Variants in CMTM2 observed in about 807,000 individuals in gnomAD.
CMTM2 encodes the protein CKLF-like MARVEL transmembrane domain-containing protein 2.
A neutral mutation model predicts 16.8 loss-of-function variants in CMTM2; 15 were observed. The observed-to-expected ratio is 0.89, with a 90% CI of 0.60 to 1.37. The LOEUF is 1.37. Among genes scored for constraint, CMTM2 ranks in the 40% most tolerant of loss-of-function variants. CMTM2 has a pLI of 0.00. For missense variants in CMTM2, 282 were observed against 318.0 expected, an observed-to-expected ratio of 0.89 and a Z score of 0.86; for synonymous variants, 117 against 118.7, an observed-to-expected ratio of 0.99 and a Z score of 0.09.
chr16:66,587,130 C>T (rs757189714), intron 3 of CMTM2, 32 bp downstream of exon 3: 2 of 1,515,590 alleles, frequency 1.3e-6, no homozygotes, highest in African/African-American at 2.7e-5. Context: ...CTTGCATTTG[C>T]TCTGAATTCA....
Position 66,587,994 on chromosome 16 carries a change from G to T in CMTM2, c.622G>T (p.Ala208Ser). Reference sequence around the variant, plus strand: ...AAGAAACCACTTCAGAGGCAAGAAGGCCAAAAAGCATATGCTGGTTCCTCC... The same window carrying T: ...AAGAAACCACTTCAGAGGCAAGAAGTCCAAAAAGCATATGCTGGTTCCTCC... Reference protein sequence around the residue: ...LQRNHFRGKKAKKHMLVPPPG... With the variant: ...LQRNHFRGKKSKKHMLVPPPG... Residue 208 changes from alanine to serine, a missense_variant, in exon 4 of 4, where the codon GCC (alanine) becomes TCC (serine). By Grantham distance (99) the Ala-to-Ser change is moderately conservative. Transcript: ENST00000268595. The T allele has an allele frequency of 6.2e-7, 1 of 1,614,108 alleles. No homozygotes were observed. Among genetic ancestry groups the T allele is most frequent in the Non-Finnish European group, 8.5e-7 (1 of 1,180,018 alleles).
In CMTM2 at chr16:66,588,013, T is replaced by C; in HGVS notation, c.641T>C (p.Val214Ala). 6.2e-7 allele frequency: 1 copy of C among 1,614,046 alleles called. No homozygotes were observed. The highest frequency in any genetic ancestry group is 8.5e-7 in the Non-Finnish European group (1 of 1,180,018). Residue 214 changes from valine to alanine, a missense_variant, in exon 4 of 4, where the codon GTT becomes GCT. Coordinates refer to ENST00000268595, the MANE Select transcript of CMTM2 (RefSeq NM_144673.3). Reference sequence around the variant, plus strand: ...AAGAAGGCCAAAAAGCATATGCTGGTTCCTCCTCCAGGAAAGGAAAAAGGA... The same window carrying C: ...AAGAAGGCCAAAAAGCATATGCTGGCTCCTCCTCCAGGAAAGGAAAAAGGA... ...RGKKAKKHML[V>A]PPPGKEKGPQ... is the part of the protein sequence containing the mutation.
chr16:66,579,871 T>C lies in CMTM2; in HGVS notation c.264T>C (p.Ala88=). The change falls in exon 1 of 4, where the codon GCT becomes GCC. Residue 88 remains alanine, a synonymous_variant. Coordinates refer to ENST00000268595, the MANE Select transcript of CMTM2 (RefSeq NM_144673.3). The surrounding 1 kb of genome is among the most constrained non-coding windows in gnomAD (Gnocchi z 6.5). ...AAGAGTTCTGGCTCTTGGGGCACGC[T>C]GAGATCAAGATTCGGAGTTTGGTGA... The part of the protein sequence containing the change: ...SNKEFWLLGH[A]EIKIRSLGCL... 2 of 1,611,776 alleles carry C rather than the reference T, an allele frequency of 1.2e-6. No homozygotes were observed. The highest frequency in any genetic ancestry group is 1.7e-6 in the Non-Finnish European group (2 of 1,179,614).
intron 2 of CMTM2, chr16:66,580,689 G>C (rs1230510790): frequency 1.3e-5 from 2 of 156,618 alleles, no homozygotes; most frequent in Non-Finnish European, 2.8e-5. Context: ...GGATCAGAAG[G>C]ATGTTCAGCC....
At chr16:66,580,642 G>C (rs190311516) in intron 2 of CMTM2, 1 of 165,060 alleles carries the variant, frequency 6.1e-6, no homozygotes, top group Non-Finnish European at 1.3e-5. Context: ...CTAAAGCAGC[G>C]TTAGGTCTCC....
At chr16:66,583,026 A>C (rs1178403699) in intron 2 of CMTM2, among the ~76,000 whole-genome samples, 1 of 152,208 alleles carries the variant, frequency 6.6e-6, no homozygotes, top group African/African-American at 2.4e-5. Context: ...TCAATATGAC[A>C]AGAAAAACAA....
intron 2 of CMTM2, among the ~76,000 whole-genome samples, chr16:66,583,635 A>C (rs1448169991): frequency 6.6e-6 from 1 of 152,218 alleles, no homozygotes; most frequent in Non-Finnish European, 1.5e-5. Flanking sequence ...GGAAAATGTA[A>C]ATAGAGAAAC....
chr16:66,584,436 T>C lies in CMTM2; in HGVS notation c.445-2561T>C, dbSNP rs561769654. Among the ~76,000 whole-genome samples the C allele has an allele frequency of 4.9e-4, 74 of 152,180 alleles. No individual in the cohort carries two copies. The Middle Eastern group carries it at 0.024, about 49-fold the overall frequency. On this transcript the variant is annotated intron_variant, in intron 2 of 3. Coordinates refer to ENST00000268595, the MANE Select transcript of CMTM2 (RefSeq NM_144673.3). The stretch of plus-strand genomic sequence containing the variant: ...ACACGCACGCATCAAAGAAAGGCCA[T>C]GTGAAAACGTAGTGAGAAGACAGCC...
intron 2 of CMTM2, among the ~76,000 whole-genome samples, chr16:66,586,527 GTC>G (rs2014795182): frequency 1.3e-5 from 2 of 152,102 alleles, no homozygotes; most frequent in African/African-American, 2.4e-5. Context: ...CACACCTGTA[GTC>G]GCAGCTGCTC....
Position 66,579,508 on chromosome 16 carries a change from C to T in CMTM2, c.-100C>T, listed in dbSNP as rs1387637950. The T allele has an allele frequency of 6.9e-7, 1 of 1,459,742 alleles. No individual in the cohort carries two copies. Among genetic ancestry groups the T allele is most frequent in the Non-Finnish European group, 9.3e-7 (1 of 1,076,000 alleles). The allele number at this position is 1,459,742 out of a possible 1,614,324, so 90.4% of individuals were successfully genotyped here. A position where few individuals can be genotyped will look rare whatever the true frequency, so the allele number is the denominator to read the frequency against. On this transcript the variant is annotated 5_prime_UTR_variant, in exon 1 of 4. Transcript: ENST00000268595. The surrounding 1 kb of genome is among the most constrained non-coding windows in gnomAD (Gnocchi z 6.5). ...AGCTGAGCACGCCCTCTGAGCCGCT[C>T]GGTGGACACCAGGCACTCTAGTAGG...
At chr16:66,585,189 G>A (rs1441793759) in intron 2 of CMTM2, among the ~76,000 whole-genome samples, 1 of 152,042 alleles carries the variant, frequency 6.6e-6, no homozygotes, top group Non-Finnish European at 1.5e-5. Flanking sequence ...CAGGTGATCC[G>A]CCCGCCTCAG....
chr16:66,579,500 G>A lies in CMTM2; in HGVS notation c.-108G>A, dbSNP rs1030994167. ...TGGCAGTTAGCTGAGCACGCCCTCTGAGCCGCTCGGTGGACACCAGGCACT... is the reference window on the plus strand; with the variant it reads ...TGGCAGTTAGCTGAGCACGCCCTCTAAGCCGCTCGGTGGACACCAGGCACT... On this transcript the variant is annotated 5_prime_UTR_variant, in exon 1 of 4. Coordinates refer to ENST00000268595, the MANE Select transcript of CMTM2 (RefSeq NM_144673.3). The surrounding 1 kb of genome is among the most constrained non-coding windows in gnomAD (Gnocchi z 6.5). 1 of 1,416,366 alleles carries A rather than the reference G, an allele frequency of 7.1e-7. No homozygotes were observed. Among genetic ancestry groups the A allele is most frequent in the Admixed American group, 2.0e-5 (1 of 50,408 alleles). The allele number at this position is 1,416,366 out of a possible 1,614,324, so 87.7% of individuals were successfully genotyped here. A position where few individuals can be genotyped will look rare whatever the true frequency, so the allele number is the denominator to read the frequency against.
At chr16:66,583,434 A>G (rs1597191229) in intron 2 of CMTM2, among the ~76,000 whole-genome samples, 1 of 151,720 alleles carries the variant, frequency 6.6e-6, no homozygotes, top group South Asian at 2.1e-4. Context: ...AGAGGTTGCC[A>G]TGAGCCGAGA....
At chr16:66,583,489 CAA>C (rs966751918) in intron 2 of CMTM2, among the ~76,000 whole-genome samples, 4 of 136,012 alleles carry the variant, frequency 2.9e-5, no homozygotes, top group Non-Finnish European at 1.6e-5. Flanking sequence ...GAGACTGTCT[CAA>C]AAAAAAAAAA....
At chr16:66,580,446 A>G in intron 2 of CMTM2, 1 of 487,900 alleles carries the variant, frequency 2.0e-6, no homozygotes, top group Non-Finnish European at 3.7e-6. Flanking sequence ...AGAGGGCCTG[A>G]GCCTTTGTTC....
intron 2 of CMTM2, 151 bp from the exon 3 acceptor site, chr16:66,586,846 C>T (rs537083231): frequency 1.6e-6 from 1 of 631,228 alleles, no homozygotes; most frequent in African/African-American, 1.8e-5. Context: ...GATATGTCCA[C>T]CTAGCCCGGT....
intron 2 of CMTM2, among the ~76,000 whole-genome samples, chr16:66,584,170 A>G (rs1393442973): frequency 6.6e-6 from 1 of 152,160 alleles, no homozygotes; most frequent in Non-Finnish European, 1.5e-5. Context: ...AGTAGCTAGG[A>G]TTACAGACAT....
intron 2 of CMTM2, among the ~76,000 whole-genome samples, chr16:66,586,290 G>T (rs75273622): frequency 2.6e-5 from 4 of 152,032 alleles, no homozygotes; most frequent in Non-Finnish European, 5.9e-5. Flanking sequence ...GCTGAAAGGC[G>T]GTGGTGGGGT....
At position 66,588,274 on chromosome 16, in the gene CMTM2, A is replaced by C; in HGVS notation, c.*155A>C. 1 of 708,034 alleles carries C rather than the reference A, an allele frequency of 1.4e-6. No homozygotes were observed. Among genetic ancestry groups the C allele is most frequent in the Non-Finnish European group, 2.3e-6 (1 of 435,148 alleles). The allele number at this position is 708,034 out of a possible 1,614,324, so 43.9% of individuals were successfully genotyped here. A position where few individuals can be genotyped will look rare whatever the true frequency, so the allele number is the denominator to read the frequency against. ...TGGATTAATGGATTCTAAAAGCCTAAAGTTGATGTAAGCATTATTTTGTTC... is the reference window on the plus strand; with the variant it reads ...TGGATTAATGGATTCTAAAAGCCTACAGTTGATGTAAGCATTATTTTGTTC... On this transcript the variant is annotated 3_prime_UTR_variant, in exon 4 of 4. Transcript: ENST00000268595.
Sources: allele counts gnomAD v4.1 joint callset (sites outside exome capture counted in the v4.1 genomes callset), GRCh38; gene constraint gnomAD v4.1.1; non-coding constraint Gnocchi (gnomAD v3.1); transcripts MANE v1.5; gene names NCBI Gene and HGNC (gene_info 2026-07-23, HGNC 2026-07-21).